ARAP2: variants seen among roughly 807,000 people sequenced by gnomAD.
The protein encoded by ARAP2 is ArfGAP with RhoGAP domain, ankyrin repeat and PH domain 2.
ARAP2 carries 148 observed loss-of-function variants against 194.5 expected under a neutral mutation model. That is an observed-to-expected ratio of 0.76 (90% CI 0.67 to 0.87). ARAP2 has a LOEUF of 0.87. Ranked by LOEUF, ARAP2 falls within the 40% of genes least tolerant of loss-of-function variation. The pLI is 0.00. For synonymous variants in ARAP2, 695 were observed against 683.5 expected (o/e 1.02, Z -0.26); for missense variants, 2,128 against 1,989.7 (o/e 1.07, Z -1.32).
intron 32 of ARAP2, among the ~76,000 whole-genome samples, chr4:36,069,896 G>A (rs931095772): frequency 5.9e-5 from 9 of 152,030 alleles, no homozygotes; most frequent in African/African-American, 2.2e-4. Context: ...AGTGAGTTAT[G>A]TTGAGATCTG....
At chr4:36,192,554 A>G (rs1742157685) in intron 7 of ARAP2, among the ~76,000 whole-genome samples, 1 of 152,210 alleles carries the variant, frequency 6.6e-6, no homozygotes, top group Admixed American at 6.5e-5. Context: ...CCTTATTTCA[A>G]TCAAACCAGA....
At chr4:36,014,636 G>A (rs1244109906) in intron 8 of ARAP2, among the ~76,000 whole-genome samples, 1 of 152,092 alleles carries the variant, frequency 6.6e-6, no homozygotes, top group Non-Finnish European at 1.5e-5. Context: ...GCAAGAACCA[G>A]GTAACAAATG....
At chr4:36,034,439 C>T (rs983596724) in intron 5 of ARAP2, among the ~76,000 whole-genome samples, 5 of 152,114 alleles carry the variant, frequency 3.3e-5, no homozygotes, top group African/African-American at 1.2e-4. Flanking sequence ...ATTTGGCTCT[C>T]AGCTTGGCTG....
At chr4:36,048,864 C>A (rs1722222366) in intron 3 of ARAP2, among the ~76,000 whole-genome samples, 1 of 152,066 alleles carries the variant, frequency 6.6e-6, no homozygotes, top group African/African-American at 2.4e-5. Flanking sequence ...TTCTCTGCAG[C>A]CTCATCAACA....
At chr4:36,231,967 G>T (rs1328010425) in intron 1 of ARAP2, among the ~76,000 whole-genome samples, 1 of 152,174 alleles carries the variant, frequency 6.6e-6, no homozygotes, top group Non-Finnish European at 1.5e-5. Flanking sequence ...GATAAGATAG[G>T]ATTAGTTTCT....
chr4:36,201,042 A>ATCAATAAAGAAGTTATT (rs1744259839), intron 6 of ARAP2, among the ~76,000 whole-genome samples: 1 of 152,244 alleles, frequency 6.6e-6, no homozygotes, highest in African/African-American at 2.4e-5. Context: ...TAAAGTTGCA[A>ATCAATAAAGAAGTTATT]TCAATAAAGA....
intron 9 of ARAP2, among the ~76,000 whole-genome samples, chr4:36,169,190 C>A (rs905309113): frequency 1.3e-5 from 2 of 152,154 alleles, no homozygotes; most frequent in African/African-American, 4.8e-5. Flanking sequence ...AGAATAAATA[C>A]GTGGACTGCA....
intron 28 of ARAP2, among the ~76,000 whole-genome samples, chr4:36,091,251 C>T (rs533902943): frequency 2.0e-5 from 3 of 152,220 alleles, no homozygotes; most frequent in African/African-American, 7.2e-5. Flanking sequence ...GTTACTTATT[C>T]ATGTAACCAG....
chr4:36,016,211 T>C (rs564178379), intron 6 of ARAP2, among the ~76,000 whole-genome samples: 1 of 152,272 alleles, frequency 6.6e-6, no homozygotes, highest in Admixed American at 6.5e-5. Flanking sequence ...ATGTATAGTA[T>C]AATAGGACTT....
chr4:36,013,970 C>T (rs930408394), intron 8 of ARAP2, among the ~76,000 whole-genome samples: 4 of 151,956 alleles, frequency 2.6e-5, no homozygotes, highest in Non-Finnish European at 5.9e-5. Flanking sequence ...CGGTGGCTCA[C>T]GCCTGTAATC....
At chr4:36,060,043 C>T (rs911312688) in intron 1 of ARAP2, among the ~76,000 whole-genome samples, 4 of 152,090 alleles carry the variant, frequency 2.6e-5, no homozygotes, top group African/African-American at 9.7e-5. Context: ...AAGATGAGAT[C>T]CTCCCCAGTG....
chr4:36,109,809 C>T (rs1351239785), intron 26 of ARAP2, among the ~76,000 whole-genome samples: 1 of 151,092 alleles, frequency 6.6e-6, no homozygotes, highest in Non-Finnish European at 1.5e-5. Context: ...GTGTGCTGCA[C>T]CCATTAACTC....
chr4:36,150,156 T>C (rs1302651455), intron 16 of ARAP2, among the ~76,000 whole-genome samples: 1 of 152,214 alleles, frequency 6.6e-6, no homozygotes, highest in African/African-American at 2.4e-5. Context: ...CTTTAAGAAA[T>C]TTAGCATTTC....
intron 6 of ARAP2, among the ~76,000 whole-genome samples, chr4:36,193,974 C>T (rs1015470849): frequency 6.6e-6 from 1 of 152,132 alleles, no homozygotes; most frequent in Non-Finnish European, 1.5e-5. Flanking sequence ...AATCCTTCCA[C>T]GAAGATAATA....
chr4:36,098,158 T>C (rs1715829616), intron 27 of ARAP2, among the ~76,000 whole-genome samples: 1 of 152,004 alleles, frequency 6.6e-6, no homozygotes, highest in Non-Finnish European at 1.5e-5. Flanking sequence ...GAATAATTGA[T>C]AGGTGGAGGA....
intron 5 of ARAP2, among the ~76,000 whole-genome samples, chr4:36,024,238 CACA>C (rs1210595618): frequency 6.6e-6 from 1 of 152,092 alleles, no homozygotes; most frequent in East Asian, 1.9e-4. Context: ...TTGATCAAGT[CACA>C]ACGATTTATG....
intron 15 of ARAP2, 119 bp from the exon 16 acceptor site, chr4:36,151,163 T>G (rs1730878890): frequency 1.1e-6 from 1 of 919,836 alleles, no homozygotes; most frequent in Admixed American, 3.0e-5. Context: ...TAATTTCCTA[T>G]TTCACATAAA....
At chr4:36,160,276 T>C in intron 13 of ARAP2, 183 bp downstream of exon 13, 1 of 1,205,670 alleles carries the variant, frequency 8.3e-7, no homozygotes, top group Non-Finnish European at 1.0e-6. Flanking sequence ...ATTTATGCTC[T>C]TTTGACAATG....
intron 28 of ARAP2, among the ~76,000 whole-genome samples, chr4:36,089,054 A>C (rs1235573513): frequency 6.6e-6 from 1 of 152,054 alleles, no homozygotes; most frequent in African/African-American, 2.4e-5. Flanking sequence ...CCCCCATGTG[A>C]CCACCATCCA....
Sources: gnomAD v4.1 joint callset for allele counts (sites outside exome capture counted in the v4.1 genomes callset) on GRCh38, gnomAD v4.1.1 for gene constraint, MANE v1.5 for transcripts, NCBI Gene and HGNC (gene_info 2026-07-23, HGNC 2026-07-21) for gene names.